The following MED13L variants were observed in gnomAD, a reference collection of about 807,000 sequenced individuals.
MED13L encodes mediator complex subunit 13L.
In MED13L, 7 loss-of-function variants were observed where a neutral mutation model predicts 220.9. The observed-to-expected ratio is 0.03, with a 90% CI of 0.02 to 0.06. MED13L has a LOEUF of 0.06. Ranked by LOEUF, MED13L falls within the 10% of genes least tolerant of loss-of-function variation. The pLI, the probability that MED13L is intolerant of heterozygous loss-of-function variation, is 1.00. For missense variants in MED13L, 1,965 were observed against 2,760.5 expected, an observed-to-expected ratio of 0.71 and a Z score of 6.46; for synonymous variants, 1,011 against 1,015.2, an observed-to-expected ratio of 1.00 and a Z score of 0.08.
At chr12:116,137,206 T>C (rs982163661) in intron 2 of MED13L, among the ~76,000 whole-genome samples, 2 of 152,102 alleles carry the variant, frequency 1.3e-5, no homozygotes, top group Non-Finnish European at 2.9e-5. Context: ...GCATCCTTCT[T>C]GTCACTAAGA....
intron 4 of MED13L, among the ~76,000 whole-genome samples, chr12:116,079,775 G>A (rs145933172): frequency 8.2e-4 from 125 of 152,130 alleles, no homozygotes; most frequent in African/African-American, 2.6e-3. Flanking sequence ...GGGCTCAAGC[G>A]ATTCACCAGC....
chr12:116,125,534 T>C (rs1875507335), intron 2 of MED13L, among the ~76,000 whole-genome samples: 1 of 152,234 alleles, frequency 6.6e-6, no homozygotes, highest in African/African-American at 2.4e-5. Flanking sequence ...GAGAAGTTTT[T>C]ATGTGTCCCA....
chr12:116,097,451 T>C (rs1164056583), intron 3 of MED13L, among the ~76,000 whole-genome samples: 2 of 152,198 alleles, frequency 1.3e-5, no homozygotes, highest in Non-Finnish European at 2.9e-5. Flanking sequence ...CAGCCCATCT[T>C]GCAAGTTTTA....
intron 2 of MED13L, among the ~76,000 whole-genome samples, chr12:116,153,031 A>G (rs1260057479): frequency 6.6e-6 from 1 of 152,132 alleles, no homozygotes; most frequent in Non-Finnish European, 1.5e-5. Flanking sequence ...AAGAGCAGAG[A>G]TAAGTTACTA....
At chr12:116,008,351 A>C in intron 10 of MED13L, 50 bp downstream of exon 10, 1 of 1,551,320 alleles carries the variant, frequency 6.4e-7, no homozygotes, top group Non-Finnish European at 8.7e-7. Context: ...ATGGGGAGGG[A>C]GCCCATGCCC....
In MED13L at chr12:115,982,614, A is replaced by G; in HGVS notation, c.4956-11T>C. The G allele has an allele frequency of 3.7e-6, 6 of 1,600,906 alleles. No homozygotes were observed. In the South Asian group the frequency reaches 6.6e-5, roughly 18 times the overall value. ...TCCCTTTCTGTAACACTGGAGAGAG[A>G]GTCACTTGTGAGATGCACAAAATAA... On this transcript the variant is annotated splice_polypyrimidine_tract_variant and intron_variant, in intron 21 of 30. Coordinates refer to ENST00000281928, the MANE Select transcript of MED13L (RefSeq NM_015335.5).
chr12:116,039,252 G>C (rs1364492239), intron 4 of MED13L, among the ~76,000 whole-genome samples: 1 of 152,146 alleles, frequency 6.6e-6, no homozygotes, highest in East Asian at 1.9e-4. Flanking sequence ...CTTCTTTAAA[G>C]GCCTTCCAAC....
chr12:116,223,659 A>C (rs1295677193), intron 2 of MED13L, among the ~76,000 whole-genome samples: 2 of 152,170 alleles, frequency 1.3e-5, no homozygotes, highest in African/African-American at 2.4e-5. Flanking sequence ...AGCAGAGATC[A>C]CACCATTGCA....
intron 4 of MED13L, among the ~76,000 whole-genome samples, chr12:116,051,233 A>G (rs1444541106): frequency 1.3e-5 from 2 of 151,060 alleles, no homozygotes; most frequent in African/African-American, 4.9e-5. Context: ...TGAACAGGCC[A>G]GGCATGGTGG....
At chr12:116,268,700 A>C (rs1312962745) in intron 1 of MED13L, among the ~76,000 whole-genome samples, 1 of 152,150 alleles carries the variant, frequency 6.6e-6, no homozygotes. Context: ...GATCACAATA[A>C]TTCTTATTCA....
chr12:116,092,710 G>T (rs1429229633), intron 4 of MED13L, among the ~76,000 whole-genome samples: 3 of 152,088 alleles, frequency 2.0e-5, no homozygotes, highest in Non-Finnish European at 4.4e-5. Context: ...GAAGTTAAGA[G>T]GAGAGAAGAC....
chr12:116,271,123 A>G (rs1468149204), intron 1 of MED13L, among the ~76,000 whole-genome samples: 7 of 150,832 alleles, frequency 4.6e-5, no homozygotes, highest in Non-Finnish European at 7.4e-5. Context: ...AAGAGGGGGG[A>G]AAATGTCCTA....
In MED13L at chr12:116,182,813, G is replaced by A. The variant is rs573757971; in HGVS notation, c.310+54655C>T. On this transcript the variant is annotated intron_variant, in intron 2 of 30. Transcript: ENST00000281928. Reference sequence around the variant, plus strand: ...AAAATCCTAGCCACAATTCAAGGACGCCCTCCCACCTCCCACCTGAAGTTC... The same window carrying A: ...AAAATCCTAGCCACAATTCAAGGACACCCTCCCACCTCCCACCTGAAGTTC... Among the ~76,000 whole-genome samples, 83 of 152,130 alleles carry A rather than the reference G, an allele frequency of 5.5e-4. 2 individuals carry two copies. The South Asian group carries it at 0.017, about 31-fold the overall frequency.
chr12:116,115,309 G>A (rs1874415150), intron 2 of MED13L, among the ~76,000 whole-genome samples: 1 of 151,666 alleles, frequency 6.6e-6, no homozygotes, highest in Non-Finnish European at 1.5e-5. Context: ...AGTAAAGGAA[G>A]AAAAGAAAAA....
At chr12:116,213,051 G>A (rs1321649192) in intron 2 of MED13L, among the ~76,000 whole-genome samples, 4 of 152,102 alleles carry the variant, frequency 2.6e-5, no homozygotes, top group Non-Finnish European at 5.9e-5. Context: ...AGTCTTATGC[G>A]CGAAGAAAAG....
chr12:116,247,700 TAC>T (rs968517737), intron 1 of MED13L, among the ~76,000 whole-genome samples: 1 of 152,122 alleles, frequency 6.6e-6, no homozygotes, highest in Non-Finnish European at 1.5e-5. Context: ...TATATATATA[TAC>T]ACACACATAT....
chr12:116,204,501 TG>T (rs1206503800), intron 2 of MED13L, among the ~76,000 whole-genome samples: 1 of 152,262 alleles, frequency 6.6e-6, no homozygotes, highest in Non-Finnish European at 1.5e-5. Context: ...TCAGCGTAGA[TG>T]GATGTTCTAA....
chr12:116,053,374 A>T (rs559960290), intron 4 of MED13L, among the ~76,000 whole-genome samples: 1 of 152,346 alleles, frequency 6.6e-6, no homozygotes, highest in African/African-American at 2.4e-5. Flanking sequence ...ATTTAGGAAG[A>T]CATTATTCTG....
rs1211594243 is a variant in MED13L at position 115,959,636 on chromosome 12, T to C, written c.*1630A>G. 6.6e-6 allele frequency: 1 copy of C among 152,592 alleles called. No individual in the cohort carries two copies. Among genetic ancestry groups the C allele is most frequent in the African/African-American group, 2.4e-5 (1 of 41,426 alleles). The allele number at this position is 152,592 out of a possible 1,614,324, so 9.5% of individuals were successfully genotyped here. ...CATTAGATACAAATGGTTTGATATA[T>C]CAGATTTTTTATCCTATACATTGCG... On this transcript the variant is annotated 3_prime_UTR_variant, in exon 31 of 31. Coordinates refer to ENST00000281928, the MANE Select transcript of MED13L (RefSeq NM_015335.5).
Sources: allele counts gnomAD v4.1 joint callset (sites outside exome capture counted in the v4.1 genomes callset), GRCh38; gene constraint gnomAD v4.1.1; transcripts MANE v1.5; gene names NCBI Gene and HGNC (gene_info 2026-07-23, HGNC 2026-07-21).